Variants in DNAH11 observed in about 807,000 individuals in gnomAD.
DNAH11 encodes the protein axonemal beta dynein heavy chain 11.
DNAH11 carries 442 observed loss-of-function variants against 526.0 expected under a neutral mutation model. That is an observed-to-expected ratio of 0.84 (90% CI 0.78 to 0.91). The LOEUF is 0.91. Ranked by LOEUF, DNAH11 falls within the 40% of genes least tolerant of loss-of-function variation. The probability of loss-of-function intolerance (pLI) is 0.00; values close to 1 mark genes in which losing one functional copy is unlikely to be tolerated. For synonymous variants in DNAH11, 2,461 were observed against 1,935.9 expected (o/e 1.27, Z -7.12); for missense variants, 6,989 against 5,448.7 (o/e 1.28, Z -8.90).
At chr7:21,792,028 G>C (rs1015173791) in intron 61 of DNAH11, among the ~76,000 whole-genome samples, 22 of 152,262 alleles carry the variant, frequency 1.4e-4, no homozygotes, top group African/African-American at 5.3e-4. Context: ...AGGGGGATCA[G>C]GCATCTTACA....
At chr7:21,890,287 G>A (rs1196418210) in intron 76 of DNAH11, among the ~76,000 whole-genome samples, 2 of 152,170 alleles carry the variant, frequency 1.3e-5, no homozygotes, top group Middle Eastern at 3.4e-3. Context: ...TTTTGCCTTC[G>A]CTCATTGCCT....
intron 12 of DNAH11, among the ~76,000 whole-genome samples, chr7:21,590,572 A>G (rs945864851): frequency 2.0e-5 from 3 of 152,184 alleles, no homozygotes; most frequent in Non-Finnish European, 4.4e-5. Context: ...CTGTTTCCCT[A>G]AAATATGTAC....
intron 74 of DNAH11, among the ~76,000 whole-genome samples, chr7:21,879,144 G>T (rs1018034013): frequency 2.6e-5 from 4 of 151,786 alleles, no homozygotes; most frequent in African/African-American, 4.8e-5. Flanking sequence ...TTCCATCTGC[G>T]TTCTTAAAAA....
rs1322731106 is a variant in DNAH11, at chr7:21,854,470, G to A, written c.11202+15G>A. 6.2e-7 allele frequency: 1 copy of A among 1,608,528 alleles called. No individual in the cohort carries two copies. The highest frequency in any genetic ancestry group is 1.3e-5 in the African/African-American group (1 of 74,604). ...TCTCTTTGAAGGTAATGCTGAATGA[G>A]CTAAGAAATATGGGAAACTTTAGGA... On this transcript the variant is annotated intron_variant, in intron 68 of 81. Transcript: ENST00000409508.
intron 63 of DNAH11, among the ~76,000 whole-genome samples, chr7:21,811,597 G>A (rs937897411): frequency 1.2e-4 from 18 of 152,240 alleles, no homozygotes; most frequent in African/African-American, 4.3e-4. Context: ...TTGTTTAATA[G>A]GTATGTTTCA....
Position 21,842,749 on chromosome 7 carries a change from G to T in DNAH11, c.10896+1G>T. On this transcript the variant is annotated splice_donor_variant, in intron 66 of 81. Transcript: ENST00000409508. LOFTEE classifies it high-confidence loss of function. Reference sequence around the variant, plus strand: ...AAGGCCAGATTTGGAGAAACTTAAGGTAAAAATGTTTACGTCACCACCAAC... The same window carrying T: ...AAGGCCAGATTTGGAGAAACTTAAGTTAAAAATGTTTACGTCACCACCAAC... 5.0e-6 allele frequency: 8 copies of T among 1,604,182 alleles called. No individual in the cohort carries two copies. The highest frequency in any genetic ancestry group is 6.8e-6 in the Non-Finnish European group (8 of 1,175,044).
chr7:21,705,552 C>G lies in DNAH11; in HGVS notation c.6546+15C>G, dbSNP rs766146418. Reference sequence around the variant, plus strand: ...GAAAGAGTAAGGTATAGTAAATTGCCTAATAGCTTACAGCTATGGAAAGAA... The same window carrying G: ...GAAAGAGTAAGGTATAGTAAATTGCGTAATAGCTTACAGCTATGGAAAGAA... On this transcript the variant is annotated intron_variant, in intron 39 of 81. Transcript: ENST00000409508. 9.3e-6 allele frequency: 15 copies of G among 1,610,914 alleles called. No individual in the cohort carries two copies. The highest frequency in any genetic ancestry group is 1.3e-5 in the Non-Finnish European group (15 of 1,177,438).
intron 25 of DNAH11, 45 bp downstream of exon 25, chr7:21,620,123 A>G (rs113818397): frequency 1.4e-6 from 2 of 1,418,734 alleles, no homozygotes; most frequent in East Asian, 5.1e-5. Context: ...TTTTATTTTT[A>G]TTTGACAAAT....
At chr7:21,824,331 T>C (rs777238133) in intron 65 of DNAH11, among the ~76,000 whole-genome samples, 4 of 152,190 alleles carry the variant, frequency 2.6e-5, no homozygotes, top group Non-Finnish European at 5.9e-5. Flanking sequence ...CAATTCTGCC[T>C]CCACTTCCAA....
chr7:21,712,857 C>G (rs1007067194), intron 42 of DNAH11, among the ~76,000 whole-genome samples: 1 of 152,158 alleles, frequency 6.6e-6, no homozygotes, highest in Non-Finnish European at 1.5e-5. Flanking sequence ...ATTAACTTAG[C>G]ACTGGAATGC....
intron 40 of DNAH11, among the ~76,000 whole-genome samples, chr7:21,709,535 C>A (rs545444056): frequency 6.6e-6 from 1 of 152,226 alleles, no homozygotes; most frequent in East Asian, 1.9e-4. Context: ...ACACAGTATA[C>A]CCATGCAACA....
At chr7:21,750,606 T>C (rs1032768046) in intron 54 of DNAH11, among the ~76,000 whole-genome samples, 5 of 152,256 alleles carry the variant, frequency 3.3e-5, no homozygotes, top group East Asian at 1.9e-4. Context: ...GTCTGTGCCA[T>C]TGAGGAACTT....
intron 28 of DNAH11, among the ~76,000 whole-genome samples, chr7:21,647,290 G>A (rs1053714887): frequency 6.6e-6 from 1 of 151,944 alleles, no homozygotes; most frequent in African/African-American, 2.4e-5. Context: ...TGCTCAGATT[G>A]GTCAAAACAA....
chr7:21,706,697 C>T (rs1472289061), intron 39 of DNAH11, among the ~76,000 whole-genome samples: 1 of 152,172 alleles, frequency 6.6e-6, no homozygotes, highest in Non-Finnish European at 1.5e-5. Flanking sequence ...TTCTACTCAA[C>T]AGGTACGTAA....
intron 58 of DNAH11, among the ~76,000 whole-genome samples, chr7:21,784,791 G>A (rs911591284): frequency 6.6e-6 from 1 of 152,172 alleles, no homozygotes; most frequent in East Asian, 1.9e-4. Flanking sequence ...TTCCAACAGT[G>A]TGGGATTTAT....
chr7:21,688,595 C>CT, intron 34 of DNAH11, among the ~76,000 whole-genome samples: 1 of 152,344 alleles, frequency 6.6e-6, no homozygotes, highest in South Asian at 2.1e-4. Flanking sequence ...CAAGGCTCTA[C>CT]TGGAGGTCTC....
rs765781614 is a variant in DNAH11 at position 21,615,092 on chromosome 7, G to T, written c.3853-22G>T. 4.4e-6 allele frequency: 7 copies of T among 1,585,036 alleles called. No individual in the cohort carries two copies. In the East Asian group the frequency reaches 1.6e-4, roughly 37 times the overall value. On this transcript the variant is annotated intron_variant, in intron 20 of 81. Coordinates refer to ENST00000409508, the MANE Select transcript of DNAH11 (RefSeq NM_001277115.2). Reference sequence around the variant, plus strand: ...CTCTTTCTCTGGCAGTTTGTATGCAGGTGTTTATGTTCTCTCCTTAGGCAA... The same window carrying T: ...CTCTTTCTCTGGCAGTTTGTATGCATGTGTTTATGTTCTCTCCTTAGGCAA...
intron 65 of DNAH11, among the ~76,000 whole-genome samples, chr7:21,834,132 C>T (rs1402827134): frequency 4.5e-4 from 68 of 152,156 alleles, no homozygotes; most frequent in Admixed American, 4.4e-3. Context: ...AATTTTTTTA[C>T]ACAATTGAAA....
At chr7:21,732,676 A>G (rs569659892) in intron 45 of DNAH11, among the ~76,000 whole-genome samples, 2 of 152,212 alleles carry the variant, frequency 1.3e-5, no homozygotes, top group Admixed American at 1.3e-4. Flanking sequence ...AATAATCACA[A>G]TGCAGATTAA....
Sources: gnomAD v4.1 joint callset for allele counts (sites outside exome capture counted in the v4.1 genomes callset) on GRCh38, gnomAD v4.1.1 for gene constraint, MANE v1.5 for transcripts, NCBI Gene and HGNC (gene_info 2026-07-23, HGNC 2026-07-21) for gene names.